Variants in TRIM5 observed in about 807,000 individuals in gnomAD.
TRIM5 encodes the protein tripartite motif-containing protein 5.
A neutral mutation model predicts 35.6 loss-of-function variants in TRIM5; 31 were observed. The ratio of observed to expected loss-of-function variants is 0.87; its 90% confidence interval spans 0.65 to 1.18. The LOEUF is 1.18. Ranked by LOEUF, TRIM5 falls within the 50% of genes most tolerant of loss-of-function variation. TRIM5 has a pLI of 0.00. For synonymous variants in TRIM5, 243 were observed against 215.6 expected (o/e 1.13, Z -1.11); for missense variants, 609 against 591.6 (o/e 1.03, Z -0.31).
chr11:5,653,501 T>C, the TRIM5 span, among the ~76,000 whole-genome samples: 5 of 150,972 alleles, frequency 3.3e-5, 1 homozygote, highest in East Asian at 9.7e-4. Flanking sequence ...TTTTTGTTTT[T>C]TTTTTTTTGA....
chr11:5,628,854 C>T, the TRIM5 span, among the ~76,000 whole-genome samples: 1 of 151,812 alleles, frequency 6.6e-6, no homozygotes, highest in Admixed American at 6.6e-5. Context: ...CTATTCCTCT[C>T]TCCTAGCTTC....
At chr11:5,608,487 G>C in the TRIM5 span, 1 of 1,574,774 alleles carries the variant, frequency 6.4e-7, no homozygotes, top group Non-Finnish European at 8.6e-7. Context: ...AATCAGAGTG[G>C]GGAAGATTCA....
At chr11:5,655,046 A>G in the TRIM5 span, among the ~76,000 whole-genome samples, 272 of 152,126 alleles carry the variant, frequency 1.8e-3, 8 homozygotes, top group East Asian at 0.044. Flanking sequence ...CAAAAAAATT[A>G]TCTGGGCGTG....
the TRIM5 span, among the ~76,000 whole-genome samples, chr11:5,626,202 T>C: frequency 6.6e-6 from 1 of 152,216 alleles, no homozygotes; most frequent in South Asian, 2.1e-4. Flanking sequence ...AAATTGATTA[T>C]AAAGCAGGCT....
chr11:5,659,821 A>C (rs1484941363), downstream of TRIM5, among the ~76,000 whole-genome samples: 3 of 151,738 alleles, frequency 2.0e-5, no homozygotes, highest in African/African-American at 7.3e-5. Context: ...TACATACAGC[A>C]GCTGAAATCT....
At chr11:5,604,623 C>T in the TRIM5 span, 1 of 1,611,252 alleles carries the variant, frequency 6.2e-7, no homozygotes, top group Non-Finnish European at 8.5e-7. Flanking sequence ...AGAAAACATC[C>T]TGGAAGGCAA....
At chr11:5,663,171 A>C, downstream of TRIM5, 1 of 861,228 alleles carries the variant, frequency 1.2e-6, no homozygotes, top group Non-Finnish European at 1.4e-6. Flanking sequence ...AAAGCCCAAC[A>C]CCATAATGGA....
the TRIM5 span, among the ~76,000 whole-genome samples, chr11:5,606,382 A>G: frequency 1.3e-5 from 2 of 152,178 alleles, no homozygotes; most frequent in African/African-American, 4.8e-5. Flanking sequence ...TCTGCATAGA[A>G]TGAATAGTGT....
chr11:5,633,694 T>G, the TRIM5 span: 1 of 1,054,868 alleles, frequency 9.5e-7, no homozygotes, highest in Non-Finnish European at 1.3e-6. Context: ...GCTTCACAGT[T>G]TCTGTAAATT....
chr11:5,592,501 TCATCTTAAATAC>T, the TRIM5 span, among the ~76,000 whole-genome samples: 1 of 152,200 alleles, frequency 6.6e-6, no homozygotes, highest in African/African-American at 2.4e-5. Flanking sequence ...CCAGAGTCCA[TCATCTTAAATAC>T]CATCTTAAAT....
chr11:5,649,705 G>T, the TRIM5 span, among the ~76,000 whole-genome samples: 1 of 152,180 alleles, frequency 6.6e-6, no homozygotes, highest in Non-Finnish European at 1.5e-5. Context: ...AGAGCGTAAT[G>T]TTGCAGAAGT....
the TRIM5 span, chr11:5,612,560 G>C: frequency 6.6e-6 from 1 of 152,202 alleles, no homozygotes; most frequent in Non-Finnish European, 1.5e-5. Context: ...TAAAGGAAGA[G>C]GATGATTTCT....
intron 4 of TRIM5, among the ~76,000 whole-genome samples, chr11:5,669,155 C>A (rs895875088): frequency 4.6e-5 from 7 of 151,132 alleles, no homozygotes; most frequent in Non-Finnish European, 1.0e-4. Flanking sequence ...TCTCAGCTCA[C>A]CGCAACCTCC....
intron 4 of TRIM5, among the ~76,000 whole-genome samples, chr11:5,675,642 G>A (rs1204779610): frequency 6.6e-6 from 1 of 151,120 alleles, no homozygotes; most frequent in Non-Finnish European, 1.5e-5. Flanking sequence ...GCCCCTGGGG[G>A]TGCTAGCTTT....
At chr11:5,643,980 C>T in the TRIM5 span, 3 of 510,322 alleles carry the variant, frequency 5.9e-6, no homozygotes, top group South Asian at 8.5e-5. Flanking sequence ...ATCCATGTTT[C>T]ACTTTATCAC....
At chr11:5,632,981 C>G in the TRIM5 span, among the ~76,000 whole-genome samples, 2 of 138,420 alleles carry the variant, frequency 1.4e-5, no homozygotes, top group African/African-American at 5.3e-5. Context: ...CGCCTGCCAC[C>G]GCGCCTGGCT....
chr11:5,670,317 A>G (rs1001012488), intron 4 of TRIM5, among the ~76,000 whole-genome samples: 1 of 149,900 alleles, frequency 6.7e-6, no homozygotes, highest in African/African-American at 2.4e-5. Context: ...AGCTGGGACT[A>G]CAGGCTCCCA....
intron 4 of TRIM5, among the ~76,000 whole-genome samples, chr11:5,675,291 C>A (rs1046379485): frequency 6.6e-6 from 1 of 151,904 alleles, no homozygotes; most frequent in African/African-American, 2.4e-5. Context: ...AAGATGATGA[C>A]AACAGAGCAT....
the TRIM5 span, among the ~76,000 whole-genome samples, chr11:5,641,661 A>G: frequency 6.6e-6 from 1 of 152,214 alleles, no homozygotes; most frequent in Non-Finnish European, 1.5e-5. Flanking sequence ...TTCCAAAAGT[A>G]GACTCGAGCC....
Sources: allele counts gnomAD v4.1 joint callset (sites outside exome capture counted in the v4.1 genomes callset), GRCh38; gene constraint gnomAD v4.1.1; transcripts MANE v1.5; gene names NCBI Gene and HGNC (gene_info 2026-07-23, HGNC 2026-07-21).